TMEM266: variants seen among roughly 807,000 people sequenced by gnomAD.
The protein encoded by TMEM266 is Hv1 related protein 1.
Under a neutral mutation model 50.5 loss-of-function variants are expected in TMEM266, and 33 were observed. The observed-to-expected ratio is 0.65, with a 90% CI of 0.50 to 0.87. The LOEUF (loss-of-function observed/expected upper bound fraction) is 0.87, where lower values mean the gene tolerates loss of function less well. TMEM266 is among the 40% of genes least tolerant of loss of function. The pLI, the probability that TMEM266 is intolerant of heterozygous loss-of-function variation, is 0.00. For synonymous variants in TMEM266, 310 were observed against 292.3 expected (o/e 1.06, Z -0.62); for missense variants, 655 against 695.1 (o/e 0.94, Z 0.65).
At chr15:76,163,568 C>A (rs540396553) in intron 5 of TMEM266, among the ~76,000 whole-genome samples, 140 of 152,326 alleles carry the variant, frequency 9.2e-4, no homozygotes, top group African/African-American at 3.0e-3. Context: ...ATTGTGCAAA[C>A]GTTCCTCCAA....
At chr15:76,120,758 C>CAAAAAAAA (rs60694791) in intron 1 of TMEM266, among the ~76,000 whole-genome samples, 1 of 57,944 alleles carries the variant, frequency 1.7e-5, no homozygotes, top group African/African-American at 6.9e-5. Context: ...AAGACTGTCT[C>CAAAAAAAA]AAAAAAAAAA....
At position 76,191,740 on chromosome 15, in the gene TMEM266, A is replaced by G. The variant is rs2142081767; in HGVS notation, c.769-228A>G. 7 of 485,364 alleles carry G rather than the reference A, an allele frequency of 1.4e-5. No homozygotes were observed. In the South Asian group the frequency reaches 1.9e-4, roughly 13 times the overall value. 30.1% of individuals were successfully genotyped at this position (485,364 alleles called of 1,614,324 possible). ...ATCCGTGAGATGGGGGCCAGACTGC[A>G]AGGCACCTGAGACGCAGGATCGCAC... is the stretch of plus-strand genomic sequence containing the variant. On this transcript the variant is annotated intron_variant, in intron 8 of 10. Coordinates refer to ENST00000388942, the MANE Select transcript of TMEM266 (RefSeq NM_152335.3).
In TMEM266 at chr15:76,161,160, A is replaced by G. The variant is rs980771617; in HGVS notation, c.456+992A>G. On this transcript the variant is annotated intron_variant, in intron 5 of 10. Coordinates refer to ENST00000388942, the MANE Select transcript of TMEM266 (RefSeq NM_152335.3). This position sits in a 1 kb window ranked among gnomAD's most constrained non-coding sequence, Gnocchi z 4.1. ...TACCCTTGAGTGTCCCATCCCTGCT[A>G]TGGGTACATATTAGCCCATGCAAAG... Among the ~76,000 whole-genome samples the G allele has an allele frequency of 6.6e-6, 1 of 152,162 alleles. No homozygotes were observed. The highest frequency in any genetic ancestry group is 2.4e-5 in the African/African-American group (1 of 41,440).
At chr15:76,179,330 G>A (rs2038356547) in intron 8 of TMEM266, among the ~76,000 whole-genome samples, 2 of 152,148 alleles carry the variant, frequency 1.3e-5, no homozygotes, top group African/African-American at 2.4e-5. Flanking sequence ...CACATGATGG[G>A]TAGCAACTAA....
At chr15:76,104,590 G>A (rs971366237) in intron 1 of TMEM266, among the ~76,000 whole-genome samples, 3 of 152,124 alleles carry the variant, frequency 2.0e-5, no homozygotes, top group Admixed American at 6.5e-5. Context: ...AGGCCGAGGC[G>A]GGCGGATCAT....
intron 2 of TMEM266, among the ~76,000 whole-genome samples, chr15:76,137,426 C>G (rs2037607528): frequency 6.6e-6 from 1 of 152,136 alleles, no homozygotes; most frequent in African/African-American, 2.4e-5. Flanking sequence ...CTTTACCTCC[C>G]CTTCATGAAG....
intron 5 of TMEM266, among the ~76,000 whole-genome samples, chr15:76,163,736 C>G (rs1450775080): frequency 6.6e-6 from 1 of 152,058 alleles, no homozygotes; most frequent in Admixed American, 6.5e-5. Flanking sequence ...GGGTGTTGGT[C>G]GCATCCCTGG....
At chr15:76,157,916 A>G (rs747567974) in intron 4 of TMEM266, among the ~76,000 whole-genome samples, 7 of 152,170 alleles carry the variant, frequency 4.6e-5, no homozygotes, top group Non-Finnish European at 1.0e-4. Context: ...TGAGCCTGGG[A>G]GGTCAAGGCT....
chr15:76,091,112 CATATCAA>C (rs375668613), intron 1 of TMEM266, among the ~76,000 whole-genome samples: 2,678 of 152,174 alleles, frequency 0.018, 80 homozygotes, highest in African/African-American at 0.061. Context: ...TCCTGGCTAA[CATATCAA>C]GATCATTTTT....
At chr15:76,097,867 G>A (rs1298116413) in intron 1 of TMEM266, among the ~76,000 whole-genome samples, 1 of 151,678 alleles carries the variant, frequency 6.6e-6, no homozygotes, top group Non-Finnish European at 1.5e-5. Context: ...TTCAATCACT[G>A]GTATCCTTTC....
At chr15:76,109,362 CA>C (rs1337747472) in intron 1 of TMEM266, among the ~76,000 whole-genome samples, 4 of 152,122 alleles carry the variant, frequency 2.6e-5, no homozygotes, top group Admixed American at 6.5e-5. Context: ...AAGCCAGGCC[CA>C]ACACCAGGTT....
At chr15:76,156,547 C>T in intron 3 of TMEM266, 57 bp from the exon 4 acceptor site, 1 of 1,582,492 alleles carries the variant, frequency 6.3e-7, no homozygotes, top group Non-Finnish European at 8.6e-7. Context: ...GGCCGGGGTC[C>T]ACCCTCTTGT....
At chr15:76,090,482 ACT>A (rs1393227720) in intron 1 of TMEM266, among the ~76,000 whole-genome samples, 3 of 129,852 alleles carry the variant, frequency 2.3e-5, no homozygotes, top group Non-Finnish European at 3.2e-5. Context: ...ACAGAGAAAG[ACT>A]CTGTCTCAAA....
At position 76,171,031 on chromosome 15, in the gene TMEM266, G is replaced by C. The variant is rs368553691; in HGVS notation, c.552G>C (p.Pro184=). ...CTGTGATCATCCTATCTTTGGCTCCGATGGTGGCATCCACTGTGGCCAATG... is the reference window on the plus strand; with the variant it reads ...CTGTGATCATCCTATCTTTGGCTCCCATGGTGGCATCCACTGTGGCCAATG... Residue 184 remains proline, a synonymous_variant, in exon 7 of 11, where the codon CCG becomes CCC. Transcript: ENST00000388942. The C allele has an allele frequency of 6.2e-7, 1 of 1,613,022 alleles. No individual in the cohort carries two copies. The highest frequency in any genetic ancestry group is 1.1e-5 in the South Asian group (1 of 90,726).
intron 1 of TMEM266, among the ~76,000 whole-genome samples, chr15:76,086,219 A>G (rs1052222346): frequency 3.3e-5 from 5 of 152,220 alleles, no homozygotes; most frequent in African/African-American, 1.2e-4. Flanking sequence ...CATAGATGCA[A>G]TAACCTAGAT....
chr15:76,150,764 C>T (rs865790777), intron 3 of TMEM266, among the ~76,000 whole-genome samples: 3 of 152,230 alleles, frequency 2.0e-5, no homozygotes, highest in South Asian at 2.1e-4. Flanking sequence ...GGCTTGGGAA[C>T]GCTGCCTGAC....
In TMEM266 at chr15:76,191,934, C is replaced by A. The variant is rs764110411; in HGVS notation, c.769-34C>A. 16 of 1,537,200 alleles carry A rather than the reference C, an allele frequency of 1.0e-5. No homozygotes were observed. The Admixed American group carries it at 3.0e-4, about 29-fold the overall frequency. ...GCTGGAGGCCCCCGCCGGCCCCTCG[C>A]CGCTGATTCAGCCTTGCCCGTCTCC... On this transcript the variant is annotated intron_variant, in intron 8 of 10. Coordinates refer to ENST00000388942, the MANE Select transcript of TMEM266 (RefSeq NM_152335.3).
intron 7 of TMEM266, 193 bp from the exon 8 acceptor site, chr15:76,175,366 T>G (rs2038257241): frequency 3.6e-6 from 2 of 562,020 alleles, no homozygotes; most frequent in African/African-American, 3.8e-5. Context: ...ACAGCTACCC[T>G]GGACACCATG....
At position 76,103,217 on chromosome 15, in the gene TMEM266, G is replaced by C. The variant is rs115022067; in HGVS notation, c.-96-30951G>C. Among the ~76,000 whole-genome samples, 586 of 152,148 alleles carry C rather than the reference G, an allele frequency of 3.9e-3. 2 individuals are homozygous for C. Among genetic ancestry groups the C allele is most frequent in the African/African-American group, 0.013 (555 of 41,500 alleles). The stretch of plus-strand genomic sequence containing the variant: ...ATCGGATGTGGGGCATGAAAGGGAG[G>C]AGTCAGCCAGGCAGGTAGTTCGTGC... On this transcript the variant is annotated intron_variant, in intron 1 of 10. Transcript: ENST00000388942.
Sources: allele counts gnomAD v4.1 joint callset (sites outside exome capture counted in the v4.1 genomes callset), GRCh38; gene constraint gnomAD v4.1.1; non-coding constraint Gnocchi (gnomAD v3.1); transcripts MANE v1.5; gene names NCBI Gene and HGNC (gene_info 2026-07-23, HGNC 2026-07-21).